LRRTM4: variants seen among roughly 807,000 people sequenced by gnomAD.
The protein encoded by LRRTM4 is leucine rich repeat transmembrane neuronal 4, also known as leucine-rich repeat transmembrane neuronal protein 4.
A neutral mutation model predicts 47.6 loss-of-function variants in LRRTM4; 25 were observed. The ratio of observed to expected loss-of-function variants is 0.53; its 90% CI spans 0.38 to 0.73. The LOEUF (loss-of-function observed/expected upper bound fraction) is 0.73. Among genes scored for constraint, LRRTM4 ranks in the 30% least tolerant of loss-of-function variants. LRRTM4 has a pLI of 0.00. For missense variants in LRRTM4, 638 were observed against 713.4 expected, an observed-to-expected ratio of 0.89 and a Z score of 1.20; for synonymous variants, 311 against 269.5, an observed-to-expected ratio of 1.15 and a Z score of -1.51.
At chr2:77,453,241 G>A (rs1287290862) in intron 3 of LRRTM4, among the ~76,000 whole-genome samples, 2 of 147,014 alleles carry the variant, frequency 1.4e-5, no homozygotes, top group African/African-American at 5.1e-5. Flanking sequence ...GAGTGCAGTG[G>A]AGCGATCTCT....
intron 3 of LRRTM4, among the ~76,000 whole-genome samples, chr2:76,759,650 T>C (rs1361518057): frequency 6.6e-6 from 1 of 152,140 alleles, no homozygotes; most frequent in African/African-American, 2.4e-5. Context: ...TGTGTGTATG[T>C]AGAAGTCAAA....
At chr2:76,886,743 T>A (rs2104131953) in intron 3 of LRRTM4, among the ~76,000 whole-genome samples, 1 of 152,006 alleles carries the variant, frequency 6.6e-6, no homozygotes, top group African/African-American at 2.4e-5. Flanking sequence ...TGAAGAAAAA[T>A]ATTAAATGCC....
chr2:77,255,393 C>T (rs375260790), intron 3 of LRRTM4, among the ~76,000 whole-genome samples: 2 of 151,938 alleles, frequency 1.3e-5, no homozygotes, highest in East Asian at 3.9e-4. Flanking sequence ...TATATAAGAA[C>T]CAGTATCACT....
intron 3 of LRRTM4, among the ~76,000 whole-genome samples, chr2:77,423,239 A>G (rs901387736): frequency 3.3e-5 from 5 of 152,176 alleles, no homozygotes; most frequent in Admixed American, 1.3e-4. Context: ...TAATACTGAA[A>G]TAAATACTTT....
At chr2:77,307,013 C>T (rs1322068460) in intron 3 of LRRTM4, among the ~76,000 whole-genome samples, 1 of 150,470 alleles carries the variant, frequency 6.6e-6, no homozygotes. Flanking sequence ...CATTCTCCTG[C>T]CTCAGCCTCC....
chr2:76,901,575 G>T (rs958128825), intron 3 of LRRTM4, among the ~76,000 whole-genome samples: 5 of 151,950 alleles, frequency 3.3e-5, no homozygotes, highest in Non-Finnish European at 7.4e-5. Context: ...TACTTTTAAG[G>T]TATCTCTAAG....
intron 3 of LRRTM4, among the ~76,000 whole-genome samples, chr2:77,057,806 C>G (rs926765676): frequency 6.6e-6 from 1 of 152,022 alleles, no homozygotes; most frequent in Non-Finnish European, 1.5e-5. Context: ...TAAATGACAC[C>G]TCTATTAAGG....
At chr2:77,092,149 T>G (rs1039684369) in intron 3 of LRRTM4, among the ~76,000 whole-genome samples, 3 of 152,164 alleles carry the variant, frequency 2.0e-5, no homozygotes, top group African/African-American at 4.8e-5. Context: ...GCATATACTT[T>G]CTGCTTCCCG....
chr2:76,834,780 C>T (rs1398385041), intron 3 of LRRTM4, among the ~76,000 whole-genome samples: 1 of 151,884 alleles, frequency 6.6e-6, no homozygotes, highest in Non-Finnish European at 1.5e-5. Context: ...ATGATTCCTA[C>T]ATAAAATTCA....
chr2:76,776,135 A>G lies in LRRTM4; in HGVS notation c.1552-27219T>C, dbSNP rs183983225. 9.5e-4 allele frequency among the ~76,000 whole-genome samples: 144 copies of G among 152,194 alleles called. 1 individual carries two copies. The Middle Eastern group carries it at 0.01, about 11-fold the overall frequency. ...GTATTCCACGGTGTATATGTCCCAC[A>G]TTTTCTTAATCCAGTCTATCATTGT... On this transcript the variant is annotated intron_variant, in intron 3 of 3. Transcript: ENST00000409884.
chr2:77,016,662 G>A (rs1397186217), intron 3 of LRRTM4, among the ~76,000 whole-genome samples: 4 of 152,070 alleles, frequency 2.6e-5, no homozygotes, highest in African/African-American at 9.7e-5. Flanking sequence ...CCCTGAAAAT[G>A]CAAATAAACT....
intron 3 of LRRTM4, among the ~76,000 whole-genome samples, chr2:77,205,910 A>G (rs1573075450): frequency 6.6e-6 from 1 of 151,098 alleles, no homozygotes; most frequent in South Asian, 2.1e-4. Flanking sequence ...AACTCGGCCC[A>G]CTGCAGCCTC....
chr2:77,125,144 C>T (rs1343975021), intron 3 of LRRTM4, among the ~76,000 whole-genome samples: 1 of 152,158 alleles, frequency 6.6e-6, no homozygotes, highest in African/African-American at 2.4e-5. Flanking sequence ...GAATTTTCTT[C>T]TAAAATTTTT....
chr2:77,061,391 C>A (rs945792593), intron 3 of LRRTM4, among the ~76,000 whole-genome samples: 1 of 152,060 alleles, frequency 6.6e-6, no homozygotes, highest in East Asian at 1.9e-4. Context: ...AAAAAAGTGA[C>A]CTTCAAAACA....
At chr2:76,951,337 T>C (rs1675486029) in intron 3 of LRRTM4, among the ~76,000 whole-genome samples, 2 of 152,088 alleles carry the variant, frequency 1.3e-5, no homozygotes, top group African/African-American at 4.8e-5. Flanking sequence ...TGGCTTCTCT[T>C]TCAGTCACTT....
intron 3 of LRRTM4, among the ~76,000 whole-genome samples, chr2:77,411,483 T>A (rs1393121204): frequency 6.9e-6 from 1 of 145,440 alleles, no homozygotes; most frequent in Non-Finnish European, 1.5e-5. Context: ...GACGGAGTCT[T>A]GCTCTGTCGC....
intron 3 of LRRTM4, among the ~76,000 whole-genome samples, chr2:77,217,070 CAAAA>C (rs553127745): frequency 1.2e-5 from 1 of 84,166 alleles, no homozygotes; most frequent in Non-Finnish European, 2.9e-5. Context: ...GAGACTCTGT[CAAAA>C]AAAAAAAAAA....
At chr2:77,382,517 C>T (rs1673101401) in intron 3 of LRRTM4, among the ~76,000 whole-genome samples, 1 of 152,038 alleles carries the variant, frequency 6.6e-6, no homozygotes, top group Admixed American at 6.6e-5. Context: ...GGGGTAGACA[C>T]CCAGAGACTA....
intron 3 of LRRTM4, among the ~76,000 whole-genome samples, chr2:77,011,932 G>A (rs961476989): frequency 1.3e-5 from 2 of 152,004 alleles, no homozygotes; most frequent in Non-Finnish European, 2.9e-5. Context: ...GAGAACTGGT[G>A]TAAGGTAAGG....
Sources: gnomAD v4.1 joint callset for allele counts (sites outside exome capture counted in the v4.1 genomes callset) on GRCh38, gnomAD v4.1.1 for gene constraint, MANE v1.5 for transcripts, NCBI Gene and HGNC (gene_info 2026-07-23, HGNC 2026-07-21) for gene names.